SLC10A2: variants seen among roughly 807,000 people sequenced by gnomAD.
The protein encoded by SLC10A2 is solute carrier family 10 member 2.
SLC10A2 carries 34 observed loss-of-function variants against 27.1 expected under a neutral mutation model. The ratio of observed to expected loss-of-function variants is 1.26; its 90% CI spans 0.96 to 1.67. SLC10A2 has a LOEUF of 1.67. Among genes scored for constraint, SLC10A2 ranks in the 40% most tolerant of loss-of-function variants. The probability of loss-of-function intolerance (pLI) is 0.00; values close to 1 mark genes in which losing one functional copy is unlikely to be tolerated. For synonymous variants in SLC10A2, 205 were observed against 174.0 expected (o/e 1.18, Z -1.40); for missense variants, 530 against 444.4 (o/e 1.19, Z -1.73).
intron 2 of SLC10A2, among the ~76,000 whole-genome samples, chr13:103,054,310 C>T (rs1178267824): frequency 6.6e-6 from 1 of 152,160 alleles, no homozygotes; most frequent in African/African-American, 2.4e-5. Context: ...CCTGTACAGT[C>T]TGTGGAACTG....
rs1876274786 is a variant in SLC10A2, at chr13:103,066,214, T to A, written c.36A>T (p.Thr12=). 1 of 1,613,492 alleles carries A rather than the reference T, an allele frequency of 6.2e-7. No individual in the cohort carries two copies. Among genetic ancestry groups the A allele is most frequent in the Middle Eastern group, 1.7e-4 (1 of 6,056 alleles). The change falls in exon 1 of 6, where the codon ACA becomes ACT. Residue 12 remains threonine (T), a synonymous_variant. Transcript: ENST00000245312. ...CCACACAGGATGCACCAGAGCAAAC[T>A]GTTGCATTGTCCACACAGCTGTTCG... ...NDPNSCVDNA[T]VCSGASCVVP...
At chr13:103,052,567 A>G (rs1193272067) in intron 3 of SLC10A2, 53 bp downstream of exon 3, 2 of 1,252,416 alleles carry the variant, frequency 1.6e-6, no homozygotes, top group Admixed American at 1.7e-5. Flanking sequence ...GGAAAACCCT[A>G]TGGTTTTGAT....
intron 2 of SLC10A2, 141 bp from the exon 3 acceptor site, chr13:103,052,849 CACACACACACAT>C: frequency 3.0e-6 from 2 of 658,226 alleles, no homozygotes; most frequent in Non-Finnish European, 5.6e-6. Context: ...TACAGAATTA[CACACACACACAT>C]GCACACACAC....
chr13:103,064,674 T>C (rs1001249775), intron 1 of SLC10A2, among the ~76,000 whole-genome samples: 2 of 152,176 alleles, frequency 1.3e-5, no homozygotes, highest in Non-Finnish European at 2.9e-5. Context: ...ACCTTATTGC[T>C]ATATCGTGGT....
rs1489833558 is a variant in SLC10A2, at chr13:103,044,048, T to G, written c.*2085A>C. The stretch of plus-strand genomic sequence containing the variant: ...AAGCCTTTAAAATAAAATATTCATT[T>G]AATATGATACTCAGAGGCAATAAAA... On this transcript the variant is annotated 3_prime_UTR_variant, in exon 6 of 6. Transcript: ENST00000245312. 6.6e-6 allele frequency: 1 copy of G among 152,198 alleles called. No homozygotes were observed. The highest frequency in any genetic ancestry group is 1.5e-5 in the Non-Finnish European group (1 of 68,022). The allele number at this position is 152,198 out of a possible 1,614,324, so 9.4% of individuals were successfully genotyped here. A position where few individuals can be genotyped will look rare whatever the true frequency, so the allele number is the denominator to read the frequency against.
intron 2 of SLC10A2, among the ~76,000 whole-genome samples, chr13:103,052,983 G>T: frequency 6.6e-6 from 1 of 151,850 alleles, no homozygotes; most frequent in East Asian, 1.9e-4. Context: ...ATTTTTTAGA[G>T]TTTCTTATTT....
At chr13:103,060,085 C>A (rs1346970651) in intron 1 of SLC10A2, among the ~76,000 whole-genome samples, 2 of 151,984 alleles carry the variant, frequency 1.3e-5, no homozygotes, top group African/African-American at 2.4e-5. Flanking sequence ...ATGATGCTAT[C>A]TCTAGTACTA....
At chr13:103,046,933 C>T (rs530053111) in intron 5 of SLC10A2, among the ~76,000 whole-genome samples, 1 of 152,296 alleles carries the variant, frequency 6.6e-6, no homozygotes, top group South Asian at 2.1e-4. Flanking sequence ...TTTCAACAAG[C>T]CCATTTGGTT....
chr13:103,066,211 A>C lies in SLC10A2; in HGVS notation c.39T>G (p.Val13=), dbSNP rs201994393. 28 of 1,613,680 alleles carry C rather than the reference A, an allele frequency of 1.7e-5. No homozygotes were observed. Among genetic ancestry groups the C allele is most frequent in the Admixed American group, 6.7e-5 (4 of 59,992 alleles). Residue 13 remains valine, a synonymous_variant, in exon 1 of 6, where the codon GTT becomes GTG. Transcript: ENST00000245312. ...DPNSCVDNAT[V]CSGASCVVPE... is the part of the protein sequence containing the mutation. ...GTACCACACAGGATGCACCAGAGCA[A>C]ACTGTTGCATTGTCCACACAGCTGT...
intron 1 of SLC10A2, among the ~76,000 whole-genome samples, chr13:103,059,962 G>A (rs1876057281): frequency 6.6e-6 from 1 of 152,194 alleles, no homozygotes; most frequent in African/African-American, 2.4e-5. Flanking sequence ...TGGCAATTTG[G>A]CAAATGTGTG....
Position 103,051,369 on chromosome 13 carries a change from G to C in SLC10A2, c.649C>G (p.Gln217Glu), listed in dbSNP as rs1875775051. 2 of 1,613,988 alleles carry C rather than the reference G, an allele frequency of 1.2e-6. No homozygotes were observed. The highest frequency in any genetic ancestry group is 1.7e-6 in the Non-Finnish European group (2 of 1,179,956). ...LIAVVGGILY[Q>E]SAWIIAPKLW... ...TTGGGAGCAATGATCCAGGCGCTTT[G>C]GTACAATATTCCTCCAACCACAGCT... The change falls in exon 4 of 6, where the codon CAA becomes GAA. Residue 217 changes from glutamine (Q) to glutamate (E), a missense_variant. Gln to Glu is a conservative substitution (Grantham distance 29, BLOSUM62 2). Transcript: ENST00000245312.
intron 4 of SLC10A2, 103 bp from the exon 5 acceptor site, chr13:103,049,549 C>A (rs764521308): frequency 2.1e-4 from 235 of 1,143,256 alleles, no homozygotes; most frequent in Non-Finnish European, 2.9e-4. Flanking sequence ...TATGTCTCTG[C>A]TTTTAATGCA....
rs767496562 is a variant in SLC10A2 at position 103,046,145 on chromosome 13, A to G, written c.1035T>C (p.Pro345=). The G allele has an allele frequency of 1.2e-6, 2 of 1,613,896 alleles. No individual in the cohort carries two copies. Among genetic ancestry groups the G allele is most frequent in the South Asian group, 1.1e-5 (1 of 91,080 alleles). The change falls in exon 6 of 6, where the codon CCT becomes CCC. Residue 345 remains proline (P), a synonymous_variant. Transcript: ENST00000245312. ...SFYKANGGFQ[P]DEK is the part of the protein sequence containing the mutation. ...GTCCACTTGATGTCTACTTTTCGTCAGGTTGAAATCCTCCATTTGCCTTAT... is the reference window on the plus strand; with the variant it reads ...GTCCACTTGATGTCTACTTTTCGTCGGGTTGAAATCCTCCATTTGCCTTAT...
In SLC10A2 at chr13:103,066,114, T is replaced by C. The variant is rs199566966; in HGVS notation, c.136A>G (p.Met46Val). The C allele has an allele frequency of 2.8e-5, 45 of 1,613,774 alleles. No homozygotes were observed. The South Asian group carries it at 4.7e-4, about 17-fold the overall frequency. ...TVLTILLALV[M>V]FSMGCNVEIK... is the part of the protein sequence containing the mutation. ...TCCACGTTGCATCCCATGGAGAACA[T>C]CACCAAGGCCAACAGGATGGTCAGC... The change falls in exon 1 of 6, where the codon ATG becomes GTG. Residue 46 changes from methionine to valine, a missense_variant. Physicochemically the swap from Met to Val is conservative, Grantham distance 21 (BLOSUM62 1). Transcript: ENST00000245312.
chr13:103,053,636 A>T (rs1194059148), intron 2 of SLC10A2, among the ~76,000 whole-genome samples: 1 of 152,182 alleles, frequency 6.6e-6, no homozygotes, highest in Non-Finnish European at 1.5e-5. Flanking sequence ...CTGAGAGTGG[A>T]TGTTGCTTAG....
At chr13:103,054,843 C>G (rs570710591) in intron 2 of SLC10A2, among the ~76,000 whole-genome samples, 1 of 152,202 alleles carries the variant, frequency 6.6e-6, no homozygotes, top group South Asian at 2.1e-4. Context: ...TGATCTTGCT[C>G]TTTTCTTTCC....
In SLC10A2 at chr13:103,052,845, A is replaced by T. The variant is rs1428047002; in HGVS notation, c.497-137T>A. The T allele has an allele frequency of 4.3e-6, 3 of 696,124 alleles. No homozygotes were observed. The Admixed American group carries it at 6.1e-5, about 14-fold the overall frequency. The allele number at this position is 696,124 out of a possible 1,614,324, so 43.1% of individuals were successfully genotyped here. Reference sequence around the variant, plus strand: ...TTGAATACACAAAACAGAATACAGAATTACACACACACACATGCACACACA... The same window carrying T: ...TTGAATACACAAAACAGAATACAGATTTACACACACACACATGCACACACA... On this transcript the variant is annotated intron_variant, in intron 2 of 5. Transcript: ENST00000245312.
chr13:103,047,076 T>C (rs1875635532), intron 5 of SLC10A2, among the ~76,000 whole-genome samples: 1 of 152,218 alleles, frequency 6.6e-6, no homozygotes, highest in South Asian at 2.1e-4. Context: ...ATACTCCTTA[T>C]AGGACCCCTC....
intron 1 of SLC10A2, among the ~76,000 whole-genome samples, chr13:103,060,675 A>G (rs989032933): frequency 2.0e-5 from 3 of 152,028 alleles, no homozygotes; most frequent in African/African-American, 7.2e-5. Context: ...CGCACCCTGC[A>G]TCTCTCTGCT....
Sources: gnomAD v4.1 joint callset for allele counts (sites outside exome capture counted in the v4.1 genomes callset) on GRCh38, gnomAD v4.1.1 for gene constraint, MANE v1.5 for transcripts, NCBI Gene and HGNC (gene_info 2026-07-23, HGNC 2026-07-21) for gene names.